Variants in UBE2E2 observed in about 807,000 individuals in gnomAD.
UBE2E2 encodes ubiquitin-conjugating enzyme E2 E2.
A neutral mutation model predicts 24.7 loss-of-function variants in UBE2E2; 6 were observed. That is an observed-to-expected ratio of 0.24 (90% confidence interval 0.13 to 0.48). UBE2E2 has a LOEUF of 0.48. Among genes scored for constraint, UBE2E2 ranks in the 20% least tolerant of loss-of-function variants. The pLI, the probability that UBE2E2 is intolerant of heterozygous loss-of-function variation, is 0.99. For missense variants in UBE2E2, 169 were observed against 245.0 expected (o/e 0.69, Z 2.07); for synonymous variants, 104 against 83.6 (o/e 1.24, Z -1.33).
At chr3:23,382,892 T>C (rs1696711338) in intron 3 of UBE2E2, among the ~76,000 whole-genome samples, 1 of 151,846 alleles carries the variant, frequency 6.6e-6, no homozygotes, top group South Asian at 2.1e-4. Flanking sequence ...TGTGAAAAGG[T>C]TAGTTTTTTT....
chr3:23,466,345 T>G (rs1404641393), intron 3 of UBE2E2, among the ~76,000 whole-genome samples: 1 of 152,230 alleles, frequency 6.6e-6, no homozygotes, highest in Non-Finnish European at 1.5e-5. Flanking sequence ...CATGATGATC[T>G]CAGCACTAGT....
chr3:23,377,021 A>G lies in UBE2E2; in HGVS notation c.228-122587A>G, dbSNP rs563293880. ...GTGTTTGGAATCATTTCACAGCAAC[A>G]TAACAGGATTCTTACTAGTCTCAGG... On this transcript the variant is annotated intron_variant, in intron 3 of 5. Transcript: ENST00000396703. Among the ~76,000 whole-genome samples, 18 of 152,318 alleles carry G rather than the reference A, an allele frequency of 1.2e-4. No individual in the cohort carries two copies. In the East Asian group the frequency reaches 1.7e-3, roughly 15 times the overall value.
chr3:23,343,864 C>T (rs1471054459), intron 3 of UBE2E2, among the ~76,000 whole-genome samples: 1 of 152,118 alleles, frequency 6.6e-6, no homozygotes, highest in Non-Finnish European at 1.5e-5. Flanking sequence ...GTTTGAGATT[C>T]GTACTTATTT....
At chr3:23,316,883 G>A (rs1210795404) in intron 3 of UBE2E2, among the ~76,000 whole-genome samples, 2 of 152,088 alleles carry the variant, frequency 1.3e-5, no homozygotes, top group East Asian at 3.9e-4. Context: ...CCCAGGATAT[G>A]TCTAGAAATG....
rs1695149492 is a variant in UBE2E2, at chr3:23,532,542, A to C, written c.361-12A>C. 3.3e-6 allele frequency: 5 copies of C among 1,502,408 alleles called. No individual in the cohort carries two copies. Among genetic ancestry groups the C allele is most frequent in the Non-Finnish European group, 4.5e-6 (5 of 1,105,608 alleles). 93.1% of individuals were successfully genotyped at this position (1,502,408 alleles called of 1,614,324 possible). ...TTTGTCTAACAAAATATAACTTTACATTTTCTTGTAGGTTACCTTCCGAAC... is the reference window on the plus strand; with the variant it reads ...TTTGTCTAACAAAATATAACTTTACCTTTTCTTGTAGGTTACCTTCCGAAC... On this transcript the variant is annotated splice_polypyrimidine_tract_variant and intron_variant, in intron 4 of 5. Coordinates refer to ENST00000396703, the MANE Select transcript of UBE2E2 (RefSeq NM_152653.4).
chr3:23,284,954 GAA>G (rs145146864), intron 3 of UBE2E2, among the ~76,000 whole-genome samples: 7 of 131,016 alleles, frequency 5.3e-5, no homozygotes, highest in Non-Finnish European at 7.8e-5. Flanking sequence ...CTTCTTGTTG[GAA>G]AAAAAAATAT....
At chr3:23,512,499 A>G (rs1575676748) in intron 4 of UBE2E2, among the ~76,000 whole-genome samples, 1 of 113,658 alleles carries the variant, frequency 8.8e-6, no homozygotes, top group African/African-American at 3.6e-5. Context: ...TTGGCCTCCC[A>G]AAGTGCTAGT....
At chr3:23,357,456 C>T (rs1437653788) in intron 3 of UBE2E2, among the ~76,000 whole-genome samples, 1 of 151,890 alleles carries the variant, frequency 6.6e-6, no homozygotes, top group South Asian at 2.1e-4. Flanking sequence ...AGATTATATC[C>T]ATAGAAAATA....
At chr3:23,337,883 T>A (rs1197926510) in intron 3 of UBE2E2, among the ~76,000 whole-genome samples, 2 of 152,124 alleles carry the variant, frequency 1.3e-5, no homozygotes, top group African/African-American at 4.8e-5. Context: ...GTAGAGTGAT[T>A]AGTTTGTCTA....
At chr3:23,419,718 T>TC (rs775883327) in intron 3 of UBE2E2, among the ~76,000 whole-genome samples, 1 of 152,218 alleles carries the variant, frequency 6.6e-6, no homozygotes, top group Non-Finnish European at 1.5e-5. Context: ...CCTTTGTGTC[T>TC]CGTATACCTT....
At chr3:23,481,836 A>G (rs1244739895) in intron 3 of UBE2E2, among the ~76,000 whole-genome samples, 1 of 152,242 alleles carries the variant, frequency 6.6e-6, no homozygotes, top group Non-Finnish European at 1.5e-5. Flanking sequence ...ATTAAGGGAT[A>G]CTACAAGTTG....
chr3:23,510,671 T>C (rs1694575547), intron 4 of UBE2E2, among the ~76,000 whole-genome samples: 1 of 152,174 alleles, frequency 6.6e-6, no homozygotes, highest in Admixed American at 6.5e-5. Flanking sequence ...CTGATTCATA[T>C]AAGCATACCT....
intron 3 of UBE2E2, among the ~76,000 whole-genome samples, chr3:23,339,783 T>A (rs1233171848): frequency 1.3e-5 from 2 of 152,118 alleles, no homozygotes; most frequent in African/African-American, 4.8e-5. Flanking sequence ...GTTAGCAAGA[T>A]GTGTCTTTAA....
At chr3:23,226,513 T>C (rs1397601089) in intron 3 of UBE2E2, among the ~76,000 whole-genome samples, 4 of 152,166 alleles carry the variant, frequency 2.6e-5, no homozygotes, top group African/African-American at 9.7e-5. Flanking sequence ...GTGTTGGAAT[T>C]ACAGGTGTGA....
At chr3:23,549,663 T>A (rs1167855792) in intron 5 of UBE2E2, among the ~76,000 whole-genome samples, 1 of 151,788 alleles carries the variant, frequency 6.6e-6, no homozygotes. Flanking sequence ...ATGAGTATCA[T>A]TACGTGGAAT....
chr3:23,392,556 C>T (rs1696964280), intron 3 of UBE2E2, among the ~76,000 whole-genome samples: 1 of 151,802 alleles, frequency 6.6e-6, no homozygotes, highest in Admixed American at 6.6e-5. Context: ...AGAGCATCTA[C>T]CTTATGGAGT....
chr3:23,263,920 T>G (rs1189161941), intron 3 of UBE2E2, among the ~76,000 whole-genome samples: 2 of 152,196 alleles, frequency 1.3e-5, no homozygotes. Context: ...CTTAACAAGT[T>G]CTAGATTAGA....
intron 3 of UBE2E2, among the ~76,000 whole-genome samples, chr3:23,444,773 G>A (rs1326550768): frequency 6.6e-6 from 1 of 152,164 alleles, no homozygotes; most frequent in Non-Finnish European, 1.5e-5. Flanking sequence ...AAAGCAAATG[G>A]ATTCTAAGGG....
At position 23,317,817 on chromosome 3, in the gene UBE2E2, C is replaced by T. The variant is rs371187196; in HGVS notation, c.227+100505C>T. Among the ~76,000 whole-genome samples, 22 of 152,110 alleles carry T rather than the reference C, an allele frequency of 1.4e-4. No homozygotes were observed. In the East Asian group the frequency reaches 1.7e-3, roughly 12 times the overall value. On this transcript the variant is annotated intron_variant, in intron 3 of 5. Transcript: ENST00000396703. ...GATTTGGGTGGGGACACAGCCAAAC[C>T]GTATCAGGAGGGGTGATGTCTGCAA...
Sources: gnomAD v4.1 joint callset for allele counts (sites outside exome capture counted in the v4.1 genomes callset) on GRCh38, gnomAD v4.1.1 for gene constraint, MANE v1.5 for transcripts, NCBI Gene and HGNC (gene_info 2026-07-23, HGNC 2026-07-21) for gene names.